The following CDCA7L variants were observed in gnomAD, a reference collection of about 807,000 sequenced individuals.
The protein encoded by CDCA7L is cell division cycle associated 7 like, also known as cell division cycle-associated 7-like protein.
In CDCA7L, 44 loss-of-function variants were observed where a neutral mutation model predicts 57.4. The ratio of observed to expected loss-of-function variants is 0.77; its 90% confidence interval spans 0.60 to 0.98. The LOEUF is 0.98. Among genes scored for constraint, CDCA7L ranks in the 50% least tolerant of loss-of-function variants. The pLI is 0.00. For missense variants in CDCA7L, 644 were observed against 580.6 expected (o/e 1.11, Z -1.12); for synonymous variants, 236 against 202.8 (o/e 1.16, Z -1.39).
intron 9 of CDCA7L, 130 bp downstream of exon 9, chr7:21,902,844 CAGAA>C (rs1452642592): frequency 1.3e-5 from 10 of 749,426 alleles, no homozygotes; most frequent in Admixed American, 7.5e-5. Flanking sequence ...CAAACAGATA[CAGAA>C]TGGATGGTAC....
chr7:21,916,682 A>G, intron 2 of CDCA7L, 72 bp downstream of exon 2: 1 of 1,400,722 alleles, frequency 7.1e-7, no homozygotes. Flanking sequence ...CACCATGTTC[A>G]AATAAAAGAA....
At chr7:21,916,263 C>G (rs1441821205) in intron 2 of CDCA7L, among the ~76,000 whole-genome samples, 1 of 152,140 alleles carries the variant, frequency 6.6e-6, no homozygotes, top group Non-Finnish European at 1.5e-5. Context: ...TCAGAGAACT[C>G]TAACTTGTGA....
chr7:21,916,745 C>G lies in CDCA7L; in HGVS notation c.165+9G>C. The G allele has an allele frequency of 2.5e-6, 4 of 1,613,286 alleles. No homozygotes were observed. The highest frequency in any genetic ancestry group is 3.4e-6 in the Non-Finnish European group (4 of 1,179,424). ...ATGAACACATCTGCTTGGAAGGAAT[C>G]ATCCATACCTGTTTCCCTGACTCTA... On this transcript the variant is annotated intron_variant, in intron 2 of 9. Coordinates refer to ENST00000406877, the MANE Select transcript of CDCA7L (RefSeq NM_018719.5).
intron 9 of CDCA7L, 144 bp from the exon 10 acceptor site, chr7:21,902,496 A>C: frequency 1.3e-6 from 1 of 774,856 alleles, no homozygotes; most frequent in South Asian, 1.5e-5. Flanking sequence ...TTTATGCATC[A>C]ATATCCGTAT....
chr7:21,935,978 A>G (rs1428675166), intron 1 of CDCA7L, among the ~76,000 whole-genome samples: 1 of 152,158 alleles, frequency 6.6e-6, no homozygotes, highest in Non-Finnish European at 1.5e-5. Flanking sequence ...ACTACACTCC[A>G]GCCTGGGCGA....
intron 1 of CDCA7L, among the ~76,000 whole-genome samples, chr7:21,917,672 T>C (rs1785525939): frequency 6.6e-6 from 1 of 152,238 alleles, no homozygotes; most frequent in Non-Finnish European, 1.5e-5. Flanking sequence ...TCAACAAATA[T>C]TAGGTTGAAC....
In CDCA7L at chr7:21,945,851, G is replaced by T; in HGVS notation, c.-47C>A. ...CTCCTCCCAGCACGCGGCCACGGGA[G>T]CCCGGACTCACCACGGCCCGGCGCA... On this transcript the variant is annotated 5_prime_UTR_variant, in exon 1 of 10. Coordinates refer to ENST00000406877, the MANE Select transcript of CDCA7L (RefSeq NM_018719.5). The T allele has an allele frequency of 6.3e-7, 1 of 1,575,542 alleles. No individual in the cohort carries two copies. The highest frequency in any genetic ancestry group is 1.2e-5 in the South Asian group (1 of 86,720).
intron 2 of CDCA7L, among the ~76,000 whole-genome samples, chr7:21,913,110 C>T (rs1785384255): frequency 6.6e-6 from 1 of 152,140 alleles, no homozygotes; most frequent in African/African-American, 2.4e-5. Flanking sequence ...CACTGCGTTT[C>T]CCCGCCTTTA....
intron 1 of CDCA7L, among the ~76,000 whole-genome samples, chr7:21,945,326 A>G (rs1479952216): frequency 6.6e-6 from 1 of 151,996 alleles, no homozygotes; most frequent in Non-Finnish European, 1.5e-5. Context: ...TTTAAACTCC[A>G]TTATCCAAGT....
At chr7:21,925,226 A>G (rs775009342) in intron 1 of CDCA7L, among the ~76,000 whole-genome samples, 15 of 152,190 alleles carry the variant, frequency 9.9e-5, no homozygotes, top group Non-Finnish European at 1.9e-4. Context: ...AAACAAAGAA[A>G]ACTCACTAGG....
rs1188926282 is a variant in CDCA7L, at chr7:21,901,022, C to CCCAAGCAGGAACCATTGTTGAAGCCCG, written c.*1273_*1299dup. 1.2e-6 allele frequency: 2 copies of CCCAAGCAGGAACCATTGTTGAAGCCCG among 1,605,702 alleles called. No individual in the cohort carries two copies. The highest frequency in any genetic ancestry group is 1.7e-6 in the Non-Finnish European group (2 of 1,175,698). On this transcript the variant is annotated 3_prime_UTR_variant, in exon 10 of 10. Coordinates refer to ENST00000406877, the MANE Select transcript of CDCA7L (RefSeq NM_018719.5). ...TTTGCCATAGGCGCCCGCTGGGACA[C>CCCAAGCAGGAACCATTGTTGAAGCCCG]CCAAGCAGGAACCATTGTTGAAGCC...
intron 4 of CDCA7L, 95 bp downstream of exon 4, chr7:21,908,035 C>G: frequency 7.4e-7 from 1 of 1,358,984 alleles, no homozygotes; most frequent in Non-Finnish European, 9.8e-7. Context: ...GCCAAAGCAA[C>G]AGCAGCAGCT....
intron 3 of CDCA7L, among the ~76,000 whole-genome samples, chr7:21,909,477 A>G (rs950463984): frequency 5.3e-5 from 8 of 152,174 alleles, no homozygotes; most frequent in Admixed American, 2.6e-4. Flanking sequence ...GGTGACGACC[A>G]TCAACCCCAA....
intron 1 of CDCA7L, among the ~76,000 whole-genome samples, chr7:21,918,166 A>G (rs1277802503): frequency 6.6e-6 from 1 of 151,968 alleles, no homozygotes; most frequent in African/African-American, 2.4e-5. Flanking sequence ...ATGTCAAGTT[A>G]TCCCACTATT....
intron 1 of CDCA7L, among the ~76,000 whole-genome samples, chr7:21,919,978 T>C (rs1034978349): frequency 6.6e-6 from 1 of 152,222 alleles, no homozygotes; most frequent in Admixed American, 6.5e-5. Context: ...TAAAAAGATG[T>C]CCTTAACAGT....
intron 2 of CDCA7L, among the ~76,000 whole-genome samples, chr7:21,914,820 T>C (rs73281717): frequency 0.012 from 1,794 of 152,274 alleles, 26 homozygotes; most frequent in African/African-American, 0.041. Context: ...AGTATCTGTA[T>C]GAAAAGCAGT....
chr7:21,929,631 C>CAAAAAAAAAAAAAAAAAAAA (rs57283961), intron 1 of CDCA7L, among the ~76,000 whole-genome samples: 1 of 35,512 alleles, frequency 2.8e-5, no homozygotes, highest in African/African-American at 1.5e-4. Flanking sequence ...AAATGGAAAG[C>CAAAAAAAAAAAAAAAAAAAA]AAAAAAAAAA....
chr7:21,904,920 G>C (rs1341563037), intron 7 of CDCA7L, among the ~76,000 whole-genome samples: 2 of 152,314 alleles, frequency 1.3e-5, no homozygotes, highest in African/African-American at 4.8e-5. Context: ...ACAGGTGACT[G>C]AGGGGCAATG....
In CDCA7L at chr7:21,943,847, G is replaced by A. The variant is rs576931123; in HGVS notation, c.24+1934C>T. On this transcript the variant is annotated intron_variant, in intron 1 of 9. Coordinates refer to ENST00000406877, the MANE Select transcript of CDCA7L (RefSeq NM_018719.5). Reference sequence around the variant, plus strand: ...GATAAATAGTTTATTTAACATTTTAGAACTACCAAAAATTAGCCTCATTGT... The same window carrying A: ...GATAAATAGTTTATTTAACATTTTAAAACTACCAAAAATTAGCCTCATTGT... 5.9e-5 allele frequency among the ~76,000 whole-genome samples: 9 copies of A among 152,200 alleles called. No homozygotes were observed. The South Asian group carries it at 1.9e-3, about 32-fold the overall frequency.
Sources: allele counts gnomAD v4.1 joint callset (sites outside exome capture counted in the v4.1 genomes callset), GRCh38; gene constraint gnomAD v4.1.1; transcripts MANE v1.5; gene names NCBI Gene and HGNC (gene_info 2026-07-23, HGNC 2026-07-21).